Variants in RANBP2 observed in about 807,000 individuals in gnomAD.
RANBP2 encodes E3 SUMO-protein ligase RanBP2.
A neutral mutation model predicts 303.6 loss-of-function variants in RANBP2; 57 were observed. That is an observed-to-expected ratio of 0.19 (90% CI 0.15 to 0.23). The LOEUF (loss-of-function observed/expected upper bound fraction) is 0.23, where lower values mean the gene tolerates loss of function less well. RANBP2 is among the 10% of genes least tolerant of loss of function. RANBP2 has a pLI of 1.00. For synonymous variants in RANBP2, 1,167 were observed against 1,301.5 expected, an observed-to-expected ratio of 0.90 and a Z score of 2.23; for missense variants, 3,138 against 3,780.8, an observed-to-expected ratio of 0.83 and a Z score of 4.46.
At chr2:108,731,192 G>C in intron 3 of RANBP2, 130 bp from the exon 4 acceptor site, 3 of 1,424,380 alleles carry the variant, frequency 2.1e-6, no homozygotes, top group Non-Finnish European at 2.8e-6. Flanking sequence ...GAAGTAACAT[G>C]TTTTCTCTAG....
chr2:109,405,065 C>T, the RANBP2 span, among the ~76,000 whole-genome samples: 6 of 151,484 alleles, frequency 4.0e-5, no homozygotes, highest in South Asian at 1.1e-3. Context: ...ATACCCCCCA[C>T]CTTCTCTTCC....
the RANBP2 span, among the ~76,000 whole-genome samples, chr2:109,637,335 A>C: frequency 7.2e-5 from 11 of 152,282 alleles, no homozygotes; most frequent in Non-Finnish European, 8.8e-5. Context: ...TCCCAGGGGC[A>C]GGCAGGAGAC....
At chr2:108,994,824 A>C in the RANBP2 span, among the ~76,000 whole-genome samples, 561 of 4,284 alleles carry the variant, frequency 0.13, 1 homozygote, top group East Asian at 0.43. Flanking sequence ...ATATATATAT[A>C]TATATCTTTT....
chr2:109,352,554 T>C, the RANBP2 span, among the ~76,000 whole-genome samples: 12 of 152,258 alleles, frequency 7.9e-5, no homozygotes, highest in Non-Finnish European at 1.5e-4. Context: ...GAGGAAACTT[T>C]AGCTTTACCT....
chr2:109,687,949 G>A, the RANBP2 span, among the ~76,000 whole-genome samples: 1 of 152,130 alleles, frequency 6.6e-6, no homozygotes, highest in Admixed American at 6.5e-5. Context: ...TTTTCGCCAT[G>A]TTGCCCAGGC....
Position 108,755,240 on chromosome 2 carries a change from A to G in RANBP2, c.2447A>G (p.Gln816Arg), listed in dbSNP as rs768578274. The G allele has an allele frequency of 6.2e-7, 1 of 1,611,834 alleles. No individual in the cohort carries two copies. The highest frequency in any genetic ancestry group is 1.3e-5 in the African/African-American group (1 of 74,840). The stretch of plus-strand genomic sequence containing the variant: ...AATTCTTTACTGAAAATGATTTGCC[A>G]ACAAGTAGAGGCCATTAAGGTAAGT... Reference protein sequence around the residue: ...DQNSLLKMICQQVEAIKKEMQ... With the variant: ...DQNSLLKMICRQVEAIKKEMQ... Residue 816 changes from glutamine to arginine, a missense_variant, in exon 17 of 29, where the codon CAA becomes CGA. Gln to Arg is a conservative substitution (Grantham distance 43, BLOSUM62 1). Transcript: ENST00000283195.
At position 108,768,012 on chromosome 2, in the gene RANBP2, A is replaced by T; in HGVS notation, c.7473A>T (p.Ala2491=). Residue 2491 remains alanine (A), a synonymous_variant, in exon 20 of 29, where the codon GCA becomes GCT. Coordinates refer to ENST00000283195, the MANE Select transcript of RANBP2 (RefSeq NM_006267.5). ...TTCAGGGTGATGATGTAGCAGATGCAACTTCAGAAGTTGAAGTGTCTAGCA... is the reference window on the plus strand; with the variant it reads ...TTCAGGGTGATGATGTAGCAGATGCTACTTCAGAAGTTGAAGTGTCTAGCA... ...DVIQGDDVAD[A]TSEVEVSSTS... 6.2e-7 allele frequency: 1 copy of T among 1,611,782 alleles called. No homozygotes were observed. The highest frequency in any genetic ancestry group is 8.5e-7 in the Non-Finnish European group (1 of 1,179,776).
chr2:108,963,240 A>T, the RANBP2 span, among the ~76,000 whole-genome samples: 1 of 152,214 alleles, frequency 6.6e-6, no homozygotes, highest in Non-Finnish European at 1.5e-5. Context: ...CTCTGTGGCC[A>T]ACGTAAAAGG....
chr2:108,825,447 C>T, the RANBP2 span, among the ~76,000 whole-genome samples: 7 of 152,038 alleles, frequency 4.6e-5, no homozygotes, highest in Admixed American at 4.6e-4. Flanking sequence ...AAAACCCAAC[C>T]CATTAGCAGT....
chr2:109,408,568 C>A, the RANBP2 span, among the ~76,000 whole-genome samples: 7 of 152,266 alleles, frequency 4.6e-5, no homozygotes, highest in Non-Finnish European at 1.0e-4. Context: ...CTCCCATTCG[C>A]TGTCCCCTCT....
chr2:109,399,923 C>T, the RANBP2 span, among the ~76,000 whole-genome samples: 935 of 152,360 alleles, frequency 6.1e-3, 5 homozygotes, highest in Non-Finnish European at 0.01. Flanking sequence ...CTCCATTTCT[C>T]CCTGCGCTGC....
chr2:108,764,092 A>C lies in RANBP2; in HGVS notation c.3553A>C (p.Lys1185Gln). 6.2e-7 allele frequency: 1 copy of C among 1,614,124 alleles called. No homozygotes were observed. Among genetic ancestry groups the C allele is most frequent in the Non-Finnish European group, 8.5e-7 (1 of 1,179,992 alleles). Residue 1185 changes from lysine (K) to glutamine (Q), a missense_variant, in exon 20 of 29, where the codon AAA becomes CAA. Around this residue, in one of 20 missense-constraint regions of RANBP2, gnomAD observed 403 missense variants for 376.7 expected, o/e 1.07. Transcript: ENST00000283195. ...ACCTCTTCCTGATAAGATTGAAGTA[A>C]AAACTGGTGAGGAAGATGAAGAAGA... ...VVPLPDKIEVKTGEEDEEEFF... is the reference protein window; with the variant it reads ...VVPLPDKIEVQTGEEDEEEFF...
chr2:109,211,032 G>C, the RANBP2 span, among the ~76,000 whole-genome samples: 1 of 152,196 alleles, frequency 6.6e-6, no homozygotes, highest in Admixed American at 6.5e-5. Context: ...GTTGATGACA[G>C]CTCTTCAGTT....
chr2:108,791,680 A>G, the RANBP2 span: 2 of 1,605,716 alleles, frequency 1.2e-6, no homozygotes, highest in Non-Finnish European at 1.7e-6. Context: ...TAAAGCCTAG[A>G]TGATGAACTG....
chr2:108,825,274 TTTTG>T, the RANBP2 span, among the ~76,000 whole-genome samples: 97,018 of 151,280 alleles, frequency 0.64, 34,439 homozygotes, highest in East Asian at 0.91. Flanking sequence ...GTGGTGGGTT[TTTTG>T]TTTGTTTGTT....
At chr2:108,839,822 G>T in the RANBP2 span, among the ~76,000 whole-genome samples, 1 of 150,962 alleles carries the variant, frequency 6.6e-6, no homozygotes, top group Non-Finnish European at 1.5e-5. Flanking sequence ...AAACAGTGTT[G>T]TGTTTTTTTT....
At chr2:109,397,520 C>T in the RANBP2 span, among the ~76,000 whole-genome samples, 1 of 152,158 alleles carries the variant, frequency 6.6e-6, no homozygotes, top group Non-Finnish European at 1.5e-5. Flanking sequence ...TAGGCTGAGC[C>T]AAGTACAGCC....
At chr2:109,728,349 C>T in the RANBP2 span, among the ~76,000 whole-genome samples, 1 of 152,162 alleles carries the variant, frequency 6.6e-6, no homozygotes, top group East Asian at 1.9e-4. Context: ...TGATCGTTGT[C>T]ATTCTAAGTT....
At chr2:109,469,458 G>A in the RANBP2 span, among the ~76,000 whole-genome samples, 1 of 152,220 alleles carries the variant, frequency 6.6e-6, no homozygotes, top group Non-Finnish European at 1.5e-5. Context: ...TGACAGTAAT[G>A]CCTGTTGTGC....
Sources: allele counts gnomAD v4.1 joint callset (sites outside exome capture counted in the v4.1 genomes callset), GRCh38; gene constraint gnomAD v4.1.1; regional missense constraint gnomAD v4.1.1; transcripts MANE v1.5; gene names NCBI Gene and HGNC (gene_info 2026-07-23, HGNC 2026-07-21).